The following WDR44 variants were observed in gnomAD, a reference collection of about 807,000 sequenced individuals.
The protein encoded by WDR44 is WD repeat domain 44.
Under a neutral mutation model 65.7 loss-of-function variants are expected in WDR44, and 9 were observed. The observed-to-expected ratio is 0.14, with a 90% CI of 0.08 to 0.24. The LOEUF (loss-of-function observed/expected upper bound fraction) is 0.24. Ranked by LOEUF, WDR44 falls within the 10% of genes least tolerant of loss-of-function variation. The pLI is 1.00. For missense variants in WDR44, 425 were observed against 670.9 expected, an observed-to-expected ratio of 0.63 and a Z score of 4.05; for synonymous variants, 220 against 235.2, an observed-to-expected ratio of 0.94 and a Z score of 0.59.
chrX:118,369,385 G>A lies in WDR44; in HGVS notation c.78-9034G>A, dbSNP rs987616534. ...ACGGGGTTTCACTGTGTTAGCCAGG[G>A]TGGTCTCGATCTCCTGACCTCGTGA... On this transcript the variant is annotated intron_variant, in intron 1 of 19. Coordinates refer to ENST00000254029, the MANE Select transcript of WDR44 (RefSeq NM_019045.5). Among the ~76,000 whole-genome samples the A allele has an allele frequency of 2.5e-3, 262 of 104,759 alleles. 3 individuals are homozygous for A. Among genetic ancestry groups the A allele is most frequent in the African/African-American group, 8.5e-3 (243 of 28,663 alleles). 91.0% of individuals were successfully genotyped at this position (104,759 alleles called of 115,157 possible).
chrX:118,406,528 T>C (rs1398178034), intron 9 of WDR44, among the ~76,000 whole-genome samples: 4 of 112,362 alleles, frequency 3.6e-5, no homozygotes, highest in African/African-American at 1.3e-4. Context: ...ATAGTACTTA[T>C]TCAGTGCCTG....
intron 1 of WDR44, among the ~76,000 whole-genome samples, chrX:118,364,181 A>G (rs1323763351): frequency 8.9e-6 from 1 of 112,762 alleles, no homozygotes; most frequent in Admixed American, 9.4e-5. Flanking sequence ...TGTAAAAACT[A>G]TTATGACAGT....
At chrX:118,356,215 G>A (rs757089631) in intron 1 of WDR44, among the ~76,000 whole-genome samples, 2 of 111,649 alleles carry the variant, frequency 1.8e-5, no homozygotes, top group South Asian at 7.4e-4. Flanking sequence ...AATTGATTAC[G>A]GCATGGTAGC....
At chrX:118,429,229 A>T (rs995097850) in intron 12 of WDR44, among the ~76,000 whole-genome samples, 1 of 110,066 alleles carries the variant, frequency 9.1e-6, no homozygotes, top group Non-Finnish European at 1.9e-5. Context: ...TTCAAAACAT[A>T]AAAAAAAAGA....
intron 12 of WDR44, among the ~76,000 whole-genome samples, chrX:118,411,716 G>A (rs2057014658): frequency 9.0e-6 from 1 of 111,633 alleles, no homozygotes; most frequent in Admixed American, 9.6e-5. Context: ...ACATATTTAT[G>A]CTCTTCTTCT....
chrX:118,375,532 A>C (rs1173438377), intron 1 of WDR44, among the ~76,000 whole-genome samples: 1 of 108,704 alleles, frequency 9.2e-6, no homozygotes, highest in Admixed American at 9.9e-5. Flanking sequence ...AAAAAAAAAA[A>C]CAAACAGGTT....
chrX:118,399,884 G>C (rs2056896572), intron 8 of WDR44, among the ~76,000 whole-genome samples: 1 of 111,409 alleles, frequency 9.0e-6, no homozygotes, highest in South Asian at 3.8e-4. Context: ...CCAGGAGTTT[G>C]AGAGCAGCCT....
intron 12 of WDR44, among the ~76,000 whole-genome samples, chrX:118,426,145 T>C (rs898777157): frequency 1.8e-5 from 2 of 111,983 alleles, no homozygotes; most frequent in African/African-American, 3.2e-5. Context: ...AATGGTATTT[T>C]TTAGGTATGA....
chrX:118,389,507 G>A (rs1428843444), intron 3 of WDR44, among the ~76,000 whole-genome samples: 1 of 110,382 alleles, frequency 9.1e-6, no homozygotes, highest in East Asian at 2.9e-4. Context: ...GATCACCTGA[G>A]GTCGGGAGTT....
intron 1 of WDR44, among the ~76,000 whole-genome samples, chrX:118,350,991 A>G (rs1342805568): frequency 8.9e-6 from 1 of 111,968 alleles, no homozygotes. Flanking sequence ...TGTCTGCGGA[A>G]GAAGGGAAAG....
chrX:118,407,372 G>T (rs1042295750), intron 10 of WDR44, among the ~76,000 whole-genome samples: 1 of 110,504 alleles, frequency 9.0e-6, no homozygotes, highest in African/African-American at 3.3e-5. Context: ...ATGGTGGCGG[G>T]TGCCTGTAAT....
chrX:118,371,004 AAAC>A (rs952925462), intron 1 of WDR44, among the ~76,000 whole-genome samples: 1 of 111,471 alleles, frequency 9.0e-6, no homozygotes, highest in African/African-American at 3.3e-5. Flanking sequence ...TAAGGAATTC[AAAC>A]AACTCAGTAG....
At chrX:118,417,363 T>G (rs1189073787) in intron 12 of WDR44, among the ~76,000 whole-genome samples, 1 of 112,159 alleles carries the variant, frequency 8.9e-6, no homozygotes, top group Non-Finnish European at 1.9e-5. Context: ...TAGCAGTTCT[T>G]ATAGTGGTGG....
intron 12 of WDR44, among the ~76,000 whole-genome samples, chrX:118,418,803 G>A (rs902479804): frequency 9.0e-6 from 1 of 110,822 alleles, no homozygotes; most frequent in African/African-American, 3.3e-5. Flanking sequence ...GGCCCATCAG[G>A]TGGGGGCAGG....
intron 14 of WDR44, among the ~76,000 whole-genome samples, chrX:118,438,554 C>G (rs2057273977): frequency 9.1e-6 from 1 of 110,470 alleles, no homozygotes; most frequent in South Asian, 3.8e-4. Context: ...TGCCTCAGCT[C>G]CCCAGGTAGC....
At chrX:118,393,415 GCAA>G in intron 4 of WDR44, 144 bp downstream of exon 4, 3 of 614,194 alleles carry the variant, frequency 4.9e-6, no homozygotes, top group South Asian at 3.4e-5. Flanking sequence ...CCCCATCTGA[GCAA>G]CAACAACAAA....
intron 1 of WDR44, among the ~76,000 whole-genome samples, chrX:118,353,286 C>T (rs931529190): frequency 2.3e-4 from 26 of 111,811 alleles, no homozygotes; most frequent in African/African-American, 7.8e-4. Flanking sequence ...AAAGCACCTA[C>T]GACATAATGT....
At chrX:118,407,053 T>C in intron 10 of WDR44, 27 bp downstream of exon 10, 1 of 1,179,888 alleles carries the variant, frequency 8.5e-7, no homozygotes, top group Non-Finnish European at 1.1e-6. Flanking sequence ...TTTTTTAGGA[T>C]TGATACTGTT....
At chrX:118,390,025 C>T (rs1280819676) in intron 3 of WDR44, among the ~76,000 whole-genome samples, 2 of 109,380 alleles carry the variant, frequency 1.8e-5, no homozygotes, top group South Asian at 4.0e-4. Context: ...TCCCAAGTAG[C>T]TGGGTTTACA....
Sources: gnomAD v4.1 joint callset for allele counts (sites outside exome capture counted in the v4.1 genomes callset) on GRCh38, gnomAD v4.1.1 for gene constraint, MANE v1.5 for transcripts, NCBI Gene and HGNC (gene_info 2026-07-23, HGNC 2026-07-21) for gene names.